The following EPB41L3 variants were observed in gnomAD, a reference collection of about 807,000 sequenced individuals.
EPB41L3 encodes erythrocyte membrane protein band 4.1 like 3, also known as band 4.1-like protein 3.
Under a neutral mutation model 127.1 loss-of-function variants are expected in EPB41L3, and 57 were observed. The observed-to-expected ratio is 0.45, with a 90% CI of 0.36 to 0.56. The LOEUF (loss-of-function observed/expected upper bound fraction) is 0.56, where lower values mean the gene tolerates loss of function less well. Among genes scored for constraint, EPB41L3 ranks in the 20% least tolerant of loss-of-function variants. The pLI is 0.00. For missense variants in EPB41L3, 1,273 were observed against 1,372.2 expected, an observed-to-expected ratio of 0.93 and a Z score of 1.14; for synonymous variants, 572 against 549.5, an observed-to-expected ratio of 1.04 and a Z score of -0.57.
intron 1 of EPB41L3, among the ~76,000 whole-genome samples, chr18:5,519,626 G>C (rs2092904953): frequency 6.6e-6 from 1 of 152,184 alleles, no homozygotes; most frequent in South Asian, 2.1e-4. Context: ...GCTACATGTG[G>C]AGGGATGCCT....
intron 1 of EPB41L3, among the ~76,000 whole-genome samples, chr18:5,621,541 C>A (rs2094862445): frequency 6.6e-6 from 1 of 152,152 alleles, no homozygotes; most frequent in African/African-American, 2.4e-5. Context: ...GAGTTCCAGA[C>A]CAGCCTGGGA....
Position 5,489,038 on chromosome 18 carries a change from G to C in EPB41L3, c.146C>G (p.Ala49Gly), listed in dbSNP as rs1466780870. The change falls in exon 2 of 23, where the codon GCC (alanine) becomes GGC (glycine). Residue 49 changes from alanine to glycine, a missense_variant. Transcript: ENST00000341928. ...EEQQQALEQFAAAAAHSTPVR... is the reference protein window; with the variant it reads ...EEQQQALEQFGAAAAHSTPVR... ...CGGGGTGCTGTGCGCTGCAGCGGCGGCGAACTGCTCCAGGGCCTGCTGCTG... is the reference window on the plus strand; with the variant it reads ...CGGGGTGCTGTGCGCTGCAGCGGCGCCGAACTGCTCCAGGGCCTGCTGCTG... The C allele has an allele frequency of 1.3e-6, 2 of 1,591,938 alleles. No homozygotes were observed. The highest frequency in any genetic ancestry group is 1.1e-5 in the South Asian group (1 of 90,232).
Position 5,611,517 on chromosome 18 carries a change from A to C in EPB41L3, c.-306+823T>G, listed in dbSNP as rs542213212. 3.5e-4 allele frequency among the ~76,000 whole-genome samples: 54 copies of C among 152,244 alleles called. 1 individual carries two copies. Among genetic ancestry groups the C allele is most frequent in the Middle Eastern group, 3.2e-3 (1 of 316 alleles). ...ATGTGTAGAGTTTCAGTTTCGCAAG[A>C]TGAAGTGAGTTCTGGAGATTAGTTG... On this transcript the variant is annotated intron_variant, in intron 3 of 21. Transcript: ENST00000545076.
In EPB41L3 at chr18:5,434,099, G is replaced by A. The variant is rs1268000108; in HGVS notation, c.628C>T (p.Arg210Ter). ...AGCCTTCCGGACACGATGTCATCTC[G>A]CAACTGCAAGCAGAGGTAGTACCTT... ...ITRYYLCLQL[R>*]DDIVSGRLPC... Residue 210 changes from arginine (R) to a stop codon, truncating the protein, a stop_gained, in exon 7 of 23, where the codon CGA becomes TGA. Transcript: ENST00000341928. LOFTEE classifies it high-confidence loss of function. 1.9e-6 allele frequency: 3 copies of A among 1,613,954 alleles called. No homozygotes were observed. The highest frequency in any genetic ancestry group is 1.7e-6 in the Non-Finnish European group (2 of 1,180,004).
At chr18:5,433,633 T>C (rs1364271258) in intron 7 of EPB41L3, 77 bp from the exon 8 acceptor site, 5 of 1,310,082 alleles carry the variant, frequency 3.8e-6, no homozygotes, top group East Asian at 4.8e-5. Context: ...CTTAGTTCCA[T>C]GCTATCTCAT....
intron 1 of EPB41L3, among the ~76,000 whole-genome samples, chr18:5,532,483 T>C (rs906986041): frequency 1.3e-5 from 2 of 152,244 alleles, no homozygotes; most frequent in Non-Finnish European, 2.9e-5. Context: ...TTTCAGTGTG[T>C]ATCTCAGTAC....
rs1203227281 is a variant in EPB41L3, at chr18:5,415,942, A to G, written c.1943T>C (p.Phe648Ser). ...GAGAGTGAGAGCGTATGGCACTGAG[A>G]AGGAGGCAGACAGCAGAAAGAAAAA... is the stretch of plus-strand genomic sequence containing the variant. The part of the protein sequence containing the change: ...FIFFFLLSAS[F>S]SVPYALTLSF... Residue 648 changes from phenylalanine to serine, a missense_variant, in exon 13 of 23, where the codon TTC becomes TCC. Transcript: ENST00000341928. 1.9e-6 allele frequency: 3 copies of G among 1,613,972 alleles called. No homozygotes were observed. The highest frequency in any genetic ancestry group is 2.7e-5 in the African/African-American group (2 of 74,896).
At chr18:5,552,556 G>A (rs2093980626) in intron 3 of EPB41L3, among the ~76,000 whole-genome samples, 1 of 152,150 alleles carries the variant, frequency 6.6e-6, no homozygotes, top group African/African-American at 2.4e-5. Context: ...ACTATAACCT[G>A]ACGTTTTATG....
chr18:5,415,893 G>C lies in EPB41L3; in HGVS notation c.1992C>G (p.Leu664=). Residue 664 remains leucine, a synonymous_variant, in exon 13 of 23, where the codon CTC becomes CTG. Coordinates refer to ENST00000341928, the MANE Select transcript of EPB41L3 (RefSeq NM_012307.5). ...AGGCCGCCTTGGGCTCCAGGTAGCA[G>C]AGGCACAGAGCCAGAGGGAAGGAGA... ...LTLSFPLALC[L]CYLEPKAASL... The C allele has an allele frequency of 6.2e-7, 1 of 1,613,948 alleles. No homozygotes were observed. The highest frequency in any genetic ancestry group is 1.3e-5 in the African/African-American group (1 of 75,050).
intron 13 of EPB41L3, among the ~76,000 whole-genome samples, chr18:5,412,832 G>C (rs1035506021): frequency 3.5e-5 from 5 of 144,892 alleles, no homozygotes; most frequent in Non-Finnish European, 6.0e-5. Context: ...GTAATGGATA[G>C]TAAGTGCTCT....
chr18:5,492,010 A>G (rs984579936), intron 1 of EPB41L3, among the ~76,000 whole-genome samples: 1 of 152,184 alleles, frequency 6.6e-6, no homozygotes, highest in African/African-American at 2.4e-5. Flanking sequence ...ATGGCAAACT[A>G]ATATCAACAT....
intron 1 of EPB41L3, among the ~76,000 whole-genome samples, chr18:5,492,353 A>T (rs1375430857): frequency 1.6e-5 from 2 of 124,992 alleles, no homozygotes; most frequent in Non-Finnish European, 3.1e-5. Flanking sequence ...TAATATGCCT[A>T]ACTTTAACTC....
chr18:5,461,140 C>T (rs770041067), intron 3 of EPB41L3, among the ~76,000 whole-genome samples: 3 of 152,124 alleles, frequency 2.0e-5, no homozygotes, highest in Non-Finnish European at 2.9e-5. Flanking sequence ...GAGACATTAA[C>T]TGGAGCATTT....
rs181226573 is a variant in EPB41L3, at chr18:5,476,705, T to C, written c.381+1536A>G. Among the ~76,000 whole-genome samples the C allele has an allele frequency of 5.3e-5, 8 of 152,326 alleles. No homozygotes were observed. The East Asian group carries it at 1.5e-3, about 29-fold the overall frequency. ...TGGATCAATTTTTCCAGAAAATGCA[T>C]CTACACTGAAGAAATACAGTATTTC... On this transcript the variant is annotated intron_variant, in intron 3 of 22. Transcript: ENST00000341928.
intron 1 of EPB41L3, among the ~76,000 whole-genome samples, chr18:5,527,043 G>A (rs1343364330): frequency 3.3e-5 from 5 of 151,512 alleles, no homozygotes; most frequent in African/African-American, 1.2e-4. Flanking sequence ...ACCTTAGACT[G>A]TGCTAAAATT....
intron 3 of EPB41L3, among the ~76,000 whole-genome samples, chr18:5,608,838 A>C (rs921470104): frequency 2.0e-5 from 3 of 152,204 alleles, no homozygotes; most frequent in Admixed American, 2.0e-4. Context: ...AACATAACTC[A>C]ATAAGCAAAA....
intron 3 of EPB41L3, among the ~76,000 whole-genome samples, chr18:5,583,169 A>G (rs1328992784): frequency 6.6e-6 from 1 of 152,230 alleles, no homozygotes; most frequent in East Asian, 1.9e-4. Flanking sequence ...AGACAGTCAG[A>G]CAACTGTCAT....
chr18:5,533,527 A>G (rs1483597327), intron 1 of EPB41L3, among the ~76,000 whole-genome samples: 1 of 152,228 alleles, frequency 6.6e-6, no homozygotes, highest in Non-Finnish European at 1.5e-5. Flanking sequence ...CAAGTTTCAC[A>G]TATATAAGTG....
chr18:5,615,588 C>T (rs934929103), intron 1 of EPB41L3, among the ~76,000 whole-genome samples: 31 of 152,118 alleles, frequency 2.0e-4, no homozygotes, highest in African/African-American at 4.6e-4. Flanking sequence ...TATCTCTTAA[C>T]ATTAGATACT....
Sources: allele counts gnomAD v4.1 joint callset (sites outside exome capture counted in the v4.1 genomes callset), GRCh38; gene constraint gnomAD v4.1.1; transcripts MANE v1.5; gene names NCBI Gene and HGNC (gene_info 2026-07-23, HGNC 2026-07-21).